USH2A: variants seen among roughly 807,000 people sequenced by gnomAD.
USH2A encodes usherin.
USH2A carries 443 observed loss-of-function variants against 538.9 expected under a neutral mutation model. The observed-to-expected ratio is 0.82, with a 90% CI of 0.76 to 0.89. The LOEUF is 0.89. USH2A is among the 40% of genes least tolerant of loss of function. The pLI is 0.00. For synonymous variants in USH2A, 2,413 were observed against 2,273.5 expected (o/e 1.06, Z -1.75); for missense variants, 6,633 against 6,324.8 (o/e 1.05, Z -1.65).
chr1:216,292,172 T>A lies in USH2A; in HGVS notation c.1840+3A>T. On this transcript the variant is annotated splice_donor_region_variant and intron_variant, in intron 10 of 71. Coordinates refer to ENST00000307340, the MANE Select transcript of USH2A (RefSeq NM_206933.4). ...CCAACTCAGGAATTTATTTGCTACT[T>A]ACCTGTAGTGTTATGCTCACAATCA... 6.2e-7 allele frequency: 1 copy of A among 1,614,008 alleles called. No individual in the cohort carries two copies. The highest frequency in any genetic ancestry group is 8.5e-7 in the Non-Finnish European group (1 of 1,179,912).
At chr1:215,754,716 A>T (rs538616601) in intron 58 of USH2A, among the ~76,000 whole-genome samples, 1 of 152,168 alleles carries the variant, frequency 6.6e-6, no homozygotes, top group Non-Finnish European at 1.5e-5. Context: ...TTTTGAATTT[A>T]TGTTGGGTGG....
chr1:216,272,286 AT>A (rs1207511123), intron 11 of USH2A, among the ~76,000 whole-genome samples: 2 of 152,048 alleles, frequency 1.3e-5, no homozygotes, highest in Non-Finnish European at 2.9e-5. Context: ...TAAAACTGTA[AT>A]TTTTTAATGT....
intron 32 of USH2A, among the ~76,000 whole-genome samples, chr1:216,045,258 T>A (rs1157817131): frequency 6.6e-6 from 1 of 152,082 alleles, no homozygotes; most frequent in Non-Finnish European, 1.5e-5. Context: ...ATACAGTATA[T>A]AAAATAATAT....
chr1:215,811,150 A>G (rs996198980), intron 49 of USH2A, among the ~76,000 whole-genome samples: 5 of 152,222 alleles, frequency 3.3e-5, no homozygotes, highest in Non-Finnish European at 7.3e-5. Flanking sequence ...TCCTGGGCAT[A>G]GGCCAAGATA....
intron 50 of USH2A, among the ~76,000 whole-genome samples, chr1:215,790,992 TAG>T (rs1251165351): frequency 2.6e-5 from 4 of 152,166 alleles, no homozygotes; most frequent in Non-Finnish European, 5.9e-5. Context: ...AAAGACCTTG[TAG>T]AGAGGATCAC....
intron 21 of USH2A, among the ~76,000 whole-genome samples, chr1:216,130,233 T>G (rs1005789321): frequency 7.2e-5 from 11 of 151,840 alleles, no homozygotes; most frequent in African/African-American, 2.2e-4. Context: ...TAGTGGTGAT[T>G]TGTGAAATTT....
chr1:216,250,871 G>A (rs2036144992), intron 12 of USH2A, 32 bp downstream of exon 12: 3 of 1,607,296 alleles, frequency 1.9e-6, no homozygotes, highest in Admixed American at 1.7e-5. Context: ...TGGTAATAGA[G>A]ATGTGACTGT....
intron 11 of USH2A, among the ~76,000 whole-genome samples, chr1:216,283,356 C>T (rs1268544725): frequency 6.6e-6 from 1 of 152,190 alleles, no homozygotes; most frequent in African/African-American, 2.4e-5. Flanking sequence ...TCCCAAAGTG[C>T]TGGGATTACA....
intron 13 of USH2A, among the ~76,000 whole-genome samples, chr1:216,239,144 A>C (rs1436780649): frequency 2.0e-5 from 3 of 151,726 alleles, no homozygotes; most frequent in Admixed American, 1.3e-4. Flanking sequence ...GAAGCAAAAC[A>C]AAAAAAATAA....
intron 21 of USH2A, among the ~76,000 whole-genome samples, chr1:216,162,809 T>C (rs1016381046): frequency 1.3e-5 from 2 of 152,088 alleles, no homozygotes; most frequent in Non-Finnish European, 2.9e-5. Context: ...CTATGTTGCC[T>C]GTGAAATCTC....
intron 5 of USH2A, among the ~76,000 whole-genome samples, chr1:216,327,308 A>G (rs554558604): frequency 2.0e-5 from 3 of 152,266 alleles, no homozygotes; most frequent in South Asian, 2.1e-4. Context: ...AAATTTAAGC[A>G]TTGTATCCCA....
At chr1:216,306,714 G>A (rs1571684721) in intron 9 of USH2A, among the ~76,000 whole-genome samples, 2 of 152,174 alleles carry the variant, frequency 1.3e-5, no homozygotes, top group African/African-American at 2.4e-5. Context: ...CCAGATGTGG[G>A]TGTTCCCTAG....
intron 63 of USH2A, among the ~76,000 whole-genome samples, chr1:215,673,392 CTCT>C (rs1259309589): frequency 2.0e-5 from 3 of 152,142 alleles, no homozygotes; most frequent in African/African-American, 4.8e-5. Context: ...CATAAAATGT[CTCT>C]TATTACCCTT....
intron 11 of USH2A, among the ~76,000 whole-genome samples, chr1:216,277,486 C>T (rs937180053): frequency 6.6e-6 from 1 of 152,130 alleles, no homozygotes; most frequent in African/African-American, 2.4e-5. Flanking sequence ...CTGAGATGCT[C>T]ATGGGGTACT....
intron 43 of USH2A, among the ~76,000 whole-genome samples, chr1:215,869,775 T>G (rs1031876205): frequency 2.0e-5 from 3 of 152,224 alleles, no homozygotes; most frequent in African/African-American, 7.2e-5. Context: ...TGTTTGTGGT[T>G]CTTTCCTACA....
chr1:215,701,380 T>A (rs1292052212), intron 61 of USH2A, among the ~76,000 whole-genome samples: 1 of 152,184 alleles, frequency 6.6e-6, no homozygotes, highest in Non-Finnish European at 1.5e-5. Context: ...CCATGTTAAT[T>A]TTCTGTCTCG....
intron 50 of USH2A, among the ~76,000 whole-genome samples, chr1:215,794,715 T>C (rs571732259): frequency 2.0e-5 from 3 of 152,348 alleles, no homozygotes; most frequent in East Asian, 1.9e-4. Context: ...TGAGAAACTC[T>C]AGAGCTTATC....
intron 25 of USH2A, 22 bp downstream of exon 25, chr1:216,084,676 C>G (rs2032065998): frequency 1.9e-6 from 3 of 1,611,002 alleles, no homozygotes; most frequent in Non-Finnish European, 2.5e-6. Context: ...AGTGAACACT[C>G]ATGTCTTTTT....
chr1:216,088,645 T>C (rs2032207030), intron 23 of USH2A, among the ~76,000 whole-genome samples: 1 of 152,198 alleles, frequency 6.6e-6, no homozygotes, highest in Non-Finnish European at 1.5e-5. Flanking sequence ...ATATTTACTT[T>C]TTTCTCAGCC....
Sources: allele counts gnomAD v4.1 joint callset (sites outside exome capture counted in the v4.1 genomes callset), GRCh38; gene constraint gnomAD v4.1.1; transcripts MANE v1.5; gene names NCBI Gene and HGNC (gene_info 2026-07-23, HGNC 2026-07-21).